Variants in INPP4B observed in about 807,000 individuals in gnomAD.
INPP4B encodes the protein inositol polyphosphate-4-phosphatase type II B.
In INPP4B, 55 loss-of-function variants were observed where a neutral mutation model predicts 122.5. The ratio of observed to expected loss-of-function variants is 0.45; its 90% CI spans 0.36 to 0.56. INPP4B has a LOEUF of 0.56. INPP4B is among the 20% of genes least tolerant of loss of function. INPP4B has a pLI of 0.00. For missense variants in INPP4B, 1,000 were observed against 1,097.7 expected, an observed-to-expected ratio of 0.91 and a Z score of 1.26; for synonymous variants, 403 against 388.7, an observed-to-expected ratio of 1.04 and a Z score of -0.43.
chr4:142,275,102 A>G (rs1747752057), intron 9 of INPP4B, among the ~76,000 whole-genome samples: 1 of 151,850 alleles, frequency 6.6e-6, no homozygotes, highest in Admixed American at 6.6e-5. Context: ...TCCTAATGAA[A>G]TATTCAATCT....
At chr4:142,264,069 T>C (rs1044311450) in intron 10 of INPP4B, among the ~76,000 whole-genome samples, 14 of 152,056 alleles carry the variant, frequency 9.2e-5, no homozygotes, top group Non-Finnish European at 1.5e-4. Context: ...GCTTTGAGTT[T>C]ATACTTTCAG....
At chr4:142,633,897 G>A (rs1425256956) in intron 2 of INPP4B, among the ~76,000 whole-genome samples, 1 of 152,068 alleles carries the variant, frequency 6.6e-6, no homozygotes, top group African/African-American at 2.4e-5. Flanking sequence ...GCATGGTGAT[G>A]TGCCCATAGT....
chr4:142,164,262 T>C (rs1257835970), intron 16 of INPP4B, among the ~76,000 whole-genome samples: 8 of 151,862 alleles, frequency 5.3e-5, no homozygotes, highest in Non-Finnish European at 1.0e-4. Flanking sequence ...CATTTAAAAC[T>C]ACTCTTTTTC....
At chr4:142,542,575 A>G (rs1198615082) in intron 2 of INPP4B, among the ~76,000 whole-genome samples, 1 of 152,224 alleles carries the variant, frequency 6.6e-6, no homozygotes, top group Non-Finnish European at 1.5e-5. Flanking sequence ...TTAGAATAGT[A>G]TCTGAAATTT....
intron 2 of INPP4B, among the ~76,000 whole-genome samples, chr4:142,668,688 C>G (rs1028005598): frequency 3.3e-5 from 5 of 152,140 alleles, no homozygotes; most frequent in Non-Finnish European, 7.4e-5. Flanking sequence ...ATTAGTAGCA[C>G]TTTTGTACAC....
At chr4:142,704,085 C>T (rs1762158384) in intron 2 of INPP4B, among the ~76,000 whole-genome samples, 1 of 152,086 alleles carries the variant, frequency 6.6e-6, no homozygotes, top group Non-Finnish European at 1.5e-5. Flanking sequence ...GACTCAAGGC[C>T]TCACCAGCAA....
At chr4:142,206,430 C>A (rs1290495746) in intron 14 of INPP4B, among the ~76,000 whole-genome samples, 1 of 148,758 alleles carries the variant, frequency 6.7e-6, no homozygotes, top group Admixed American at 6.8e-5. Context: ...ATTTCATATA[C>A]TTGATCACCA....
At chr4:142,351,152 C>T (rs1781810766) in intron 7 of INPP4B, among the ~76,000 whole-genome samples, 2 of 151,954 alleles carry the variant, frequency 1.3e-5, no homozygotes, top group South Asian at 4.1e-4. Context: ...GCTAGCCTGA[C>T]CCATGTTCCC....
At chr4:142,527,037 A>G (rs1040614970) in intron 2 of INPP4B, among the ~76,000 whole-genome samples, 1 of 152,050 alleles carries the variant, frequency 6.6e-6, no homozygotes, top group African/African-American at 2.4e-5. Flanking sequence ...AGAAGTTTTG[A>G]AACAAGTTCT....
intron 2 of INPP4B, among the ~76,000 whole-genome samples, chr4:142,675,225 A>G (rs1757576683): frequency 6.6e-6 from 1 of 152,218 alleles, no homozygotes; most frequent in Admixed American, 6.5e-5. Context: ...AAACACCTCT[A>G]TGCAAATAAA....
intron 15 of INPP4B, among the ~76,000 whole-genome samples, chr4:142,178,833 TAAAAAA>T (rs3049049): frequency 7.1e-6 from 1 of 140,518 alleles, no homozygotes; most frequent in South Asian, 2.3e-4. Flanking sequence ...ACCCTACTTG[TAAAAAA>T]AAAAAAAAAA....
Position 142,827,763 on chromosome 4 carries a change from C to T in INPP4B, c.-254+18446G>A, listed in dbSNP as rs145392049. ...AAATTAATCATTTTCTGTTGAGACA[C>T]GTTAATGGTCCTTTCTTTCTCTCAT... is the stretch of plus-strand genomic sequence containing the variant. On this transcript the variant is annotated intron_variant, in intron 1 of 25. Transcript: ENST00000262992. Among the ~76,000 whole-genome samples, 24 of 152,270 alleles carry T rather than the reference C, an allele frequency of 1.6e-4. No homozygotes were observed. In the East Asian group the frequency reaches 2.5e-3, roughly 16 times the overall value.
At chr4:142,736,238 T>A (rs1317382601) in intron 1 of INPP4B, among the ~76,000 whole-genome samples, 3 of 152,226 alleles carry the variant, frequency 2.0e-5, no homozygotes, top group African/African-American at 7.2e-5. Context: ...TTGCTTTAGA[T>A]GACATAGTGC....
intron 2 of INPP4B, among the ~76,000 whole-genome samples, chr4:142,517,204 T>C (rs938556799): frequency 1.3e-5 from 2 of 152,036 alleles, no homozygotes; most frequent in African/African-American, 4.8e-5. Context: ...TGAAAATTAT[T>C]CTTCAAATTT....
At chr4:142,499,384 T>C (rs1209160517) in intron 2 of INPP4B, among the ~76,000 whole-genome samples, 1 of 152,106 alleles carries the variant, frequency 6.6e-6, no homozygotes, top group Non-Finnish European at 1.5e-5. Context: ...TCCCATTTGA[T>C]TAGAAGGGAT....
At chr4:142,525,000 G>T (rs1826683318) in intron 2 of INPP4B, among the ~76,000 whole-genome samples, 1 of 151,858 alleles carries the variant, frequency 6.6e-6, no homozygotes, top group South Asian at 2.1e-4. Context: ...CATTGTCTCA[G>T]CCCAAAATCT....
intron 23 of INPP4B, among the ~76,000 whole-genome samples, chr4:142,088,127 T>C (rs926513325): frequency 2.6e-5 from 4 of 152,154 alleles, no homozygotes; most frequent in East Asian, 1.9e-4. Flanking sequence ...TTCTCTGATA[T>C]ACAGGAATTT....
intron 11 of INPP4B, among the ~76,000 whole-genome samples, chr4:142,255,469 G>A (rs1012203610): frequency 9.9e-5 from 15 of 152,054 alleles, no homozygotes; most frequent in African/African-American, 3.6e-4. Flanking sequence ...CATCTCACAT[G>A]CAGACACACA....
intron 2 of INPP4B, among the ~76,000 whole-genome samples, chr4:142,537,411 TATATATATATATATATATAGAG>T (rs1828341495): frequency 2.4e-5 from 1 of 40,964 alleles, no homozygotes; most frequent in Non-Finnish European, 5.2e-5. Flanking sequence ...TATATATATA[TATATATATATATATATATAGAG>T]AGAGAGAGAG....
Sources: allele counts gnomAD v4.1 joint callset (sites outside exome capture counted in the v4.1 genomes callset), GRCh38; gene constraint gnomAD v4.1.1; transcripts MANE v1.5; gene names NCBI Gene and HGNC (gene_info 2026-07-23, HGNC 2026-07-21).